The following GPR158 variants were observed in gnomAD, a reference collection of about 807,000 sequenced individuals.
GPR158 encodes the protein G protein-coupled receptor 158.
GPR158 carries 30 observed loss-of-function variants against 78.2 expected under a neutral mutation model. That is an observed-to-expected ratio of 0.38 (90% CI 0.29 to 0.52). The LOEUF (loss-of-function observed/expected upper bound fraction) is 0.52, where lower values mean the gene tolerates loss of function less well. Among genes scored for constraint, GPR158 ranks in the 20% least tolerant of loss-of-function variants. The probability of loss-of-function intolerance (pLI) is 0.83; values close to 1 mark genes in which losing one functional copy is unlikely to be tolerated. For missense variants in GPR158, 1,463 were observed against 1,523.5 expected, an observed-to-expected ratio of 0.96 and a Z score of 0.66; for synonymous variants, 581 against 591.1, an observed-to-expected ratio of 0.98 and a Z score of 0.25.
At chr10:25,243,009 T>A (rs1463262421) in intron 2 of GPR158, among the ~76,000 whole-genome samples, 1 of 152,176 alleles carries the variant, frequency 6.6e-6, no homozygotes, top group East Asian at 1.9e-4. Flanking sequence ...CAGGCATAGT[T>A]CACAAAACTG....
chr10:25,351,407 A>C (rs976142088), intron 2 of GPR158, among the ~76,000 whole-genome samples: 24 of 145,240 alleles, frequency 1.7e-4, no homozygotes, highest in African/African-American at 6.4e-4. Flanking sequence ...ACGTTAAACT[A>C]TCCTGGGGAA....
At chr10:25,444,419 GTGTA>G (rs1466507960) in intron 4 of GPR158, among the ~76,000 whole-genome samples, 5 of 151,498 alleles carry the variant, frequency 3.3e-5, no homozygotes, top group South Asian at 2.1e-4. Context: ...GTGAGTGTGA[GTGTA>G]TGTGTGTGTA....
Position 25,574,146 on chromosome 10 carries a change from CAAAAAAAA to C in GPR158, c.1753+1278_1753+1285del, listed in dbSNP as rs34285790. Among the ~76,000 whole-genome samples the C allele has an allele frequency of 6.7e-4, 42 of 62,308 alleles. 1 individual carries two copies. The highest frequency in any genetic ancestry group is 2.3e-3 in the East Asian group (3 of 1,306). 40.9% of individuals were successfully genotyped at this position (62,308 alleles called of 152,430 possible). On this transcript the variant is annotated intron_variant, in intron 7 of 10. Coordinates refer to ENST00000376351, the MANE Select transcript of GPR158 (RefSeq NM_020752.3). ...CACTAGTTTTTATTTTTCTGTTTTA[CAAAAAAAA>C]AAAAAAAAAAAAAAAAAACCTCAAA...
intron 4 of GPR158, among the ~76,000 whole-genome samples, chr10:25,432,991 A>C (rs1834933150): frequency 6.6e-6 from 1 of 152,244 alleles, no homozygotes; most frequent in Admixed American, 6.5e-5. Flanking sequence ...AGTATCATCA[A>C]ACAGTATCAC....
intron 3 of GPR158, among the ~76,000 whole-genome samples, chr10:25,400,320 C>G (rs1284569972): frequency 1.3e-5 from 2 of 152,064 alleles, no homozygotes; most frequent in African/African-American, 4.8e-5. Context: ...AGTCTTGTGG[C>G]CCCTTTGGAG....
At position 25,289,199 on chromosome 10, in the gene GPR158, C is replaced by A. The variant is rs938622981; in HGVS notation, c.1008+68042C>A. On this transcript the variant is annotated intron_variant, in intron 2 of 10. Coordinates refer to ENST00000376351, the MANE Select transcript of GPR158 (RefSeq NM_020752.3). ...TATAAGCCTGGCCCAGTGGTGGACA[C>A]TGGGGACACAAAGTTGAATAGGAGA... is the stretch of plus-strand genomic sequence containing the variant. Among the ~76,000 whole-genome samples, 8 of 152,274 alleles carry A rather than the reference C, an allele frequency of 5.3e-5. No individual in the cohort carries two copies. In the South Asian group the frequency reaches 1.7e-3, roughly 32 times the overall value.
At chr10:25,298,046 G>C (rs1046332702) in intron 2 of GPR158, among the ~76,000 whole-genome samples, 6 of 152,142 alleles carry the variant, frequency 3.9e-5, no homozygotes, top group African/African-American at 1.4e-4. Context: ...TGTGGGGATT[G>C]TGTTTCACAG....
intron 4 of GPR158, among the ~76,000 whole-genome samples, chr10:25,458,313 C>A (rs1229364984): frequency 6.6e-6 from 1 of 152,054 alleles, no homozygotes; most frequent in East Asian, 1.9e-4. Context: ...TTTATAATAC[C>A]TGTACCAAAC....
chr10:25,295,092 A>T (rs1226012842), intron 2 of GPR158, among the ~76,000 whole-genome samples: 1 of 152,192 alleles, frequency 6.6e-6, no homozygotes, highest in East Asian at 1.9e-4. Flanking sequence ...AGTCTGCCCC[A>T]TATGCGGACC....
chr10:25,382,352 A>G (rs1834166277), intron 2 of GPR158, among the ~76,000 whole-genome samples: 1 of 152,206 alleles, frequency 6.6e-6, no homozygotes, highest in Non-Finnish European at 1.5e-5. Context: ...CTGTGTTGCT[A>G]TCCCTTAGCC....
chr10:25,272,980 G>A (rs1286590735), intron 2 of GPR158, among the ~76,000 whole-genome samples: 1 of 152,076 alleles, frequency 6.6e-6, no homozygotes, highest in Non-Finnish European at 1.5e-5. Context: ...AAAGCTGGAG[G>A]ACACCCTAAA....
intron 2 of GPR158, among the ~76,000 whole-genome samples, chr10:25,359,648 C>A (rs755809368): frequency 6.6e-6 from 1 of 152,160 alleles, no homozygotes; most frequent in Non-Finnish European, 1.5e-5. Flanking sequence ...TTTCTTTATC[C>A]AGTCTATCAT....
At chr10:25,541,009 A>C (rs1836575553) in intron 5 of GPR158, among the ~76,000 whole-genome samples, 1 of 149,502 alleles carries the variant, frequency 6.7e-6, no homozygotes, top group African/African-American at 2.4e-5. Context: ...CCTACATGAA[A>C]TAGCTAGGTA....
At chr10:25,329,162 C>T (rs1275798348) in intron 2 of GPR158, among the ~76,000 whole-genome samples, 1 of 151,838 alleles carries the variant, frequency 6.6e-6, no homozygotes, top group Non-Finnish European at 1.5e-5. Flanking sequence ...TTAGGCCAGG[C>T]GCGGTGGCTC....
At chr10:25,423,916 G>T (rs530736602) in intron 4 of GPR158, among the ~76,000 whole-genome samples, 4 of 152,072 alleles carry the variant, frequency 2.6e-5, no homozygotes, top group Non-Finnish European at 5.9e-5. Context: ...GGGATTGCTG[G>T]GTCAAATGGT....
intron 3 of GPR158, among the ~76,000 whole-genome samples, chr10:25,404,713 A>G (rs985266075): frequency 7.2e-5 from 11 of 152,122 alleles, no homozygotes; most frequent in African/African-American, 2.7e-4. Flanking sequence ...CCATTGTCCT[A>G]TTCTTAGAGG....
rs562842861 is a variant in GPR158 at position 25,474,619 on chromosome 10, G to A, written c.1404+7900G>A. 2.6e-5 allele frequency among the ~76,000 whole-genome samples: 4 copies of A among 152,234 alleles called. No homozygotes were observed. The South Asian group carries it at 8.3e-4, about 32-fold the overall frequency. ...TACGCATTCAAAAGTCTGATTATTT[G>A]ATAATGTCATTCTCTTGCACAGATA... On this transcript the variant is annotated intron_variant, in intron 5 of 10. Transcript: ENST00000376351.
intron 2 of GPR158, among the ~76,000 whole-genome samples, chr10:25,370,496 C>T (rs1007946799): frequency 2.4e-5 from 3 of 123,442 alleles, no homozygotes; most frequent in African/African-American, 9.6e-5. Flanking sequence ...GTTTCTTAAT[C>T]TTGAGTTCTA....
intron 4 of GPR158, among the ~76,000 whole-genome samples, chr10:25,441,183 A>G (rs930498336): frequency 5.9e-5 from 9 of 152,062 alleles, no homozygotes; most frequent in Middle Eastern, 3.2e-3. Context: ...TATCCATAGA[A>G]TTTTCTCTTC....
Sources: gnomAD v4.1 joint callset for allele counts (sites outside exome capture counted in the v4.1 genomes callset) on GRCh38, gnomAD v4.1.1 for gene constraint, MANE v1.5 for transcripts, NCBI Gene and HGNC (gene_info 2026-07-23, HGNC 2026-07-21) for gene names.